ANGEL2: variants seen among roughly 807,000 people sequenced by gnomAD.
ANGEL2 encodes angel homolog 2.
A neutral mutation model predicts 66.0 loss-of-function variants in ANGEL2; 41 were observed. The ratio of observed to expected loss-of-function variants is 0.62; its 90% confidence interval spans 0.48 to 0.81. The LOEUF (loss-of-function observed/expected upper bound fraction) is 0.81. ANGEL2 is among the 30% of genes least tolerant of loss of function. The pLI is 0.00. For synonymous variants in ANGEL2, 208 were observed against 226.5 expected, an observed-to-expected ratio of 0.92 and a Z score of 0.73; for missense variants, 561 against 641.6, an observed-to-expected ratio of 0.87 and a Z score of 1.36.
In ANGEL2 at chr1:213,008,210, G is replaced by A. The variant is rs1318215998; in HGVS notation, c.642C>T (p.Asp214=). ...ILKEIKHFDA[D]VLCLQEVQED... ...AATTTCAATAATATTTTGCACTTAC[G>A]TCTGCATCAAAATGTTTAATTTCTT... Residue 214 remains aspartate, a splice_region_variant and synonymous_variant, in exon 3 of 9, where the codon GAC becomes GAT. Coordinates refer to ENST00000366962, the MANE Select transcript of ANGEL2 (RefSeq NM_144567.5). The A allele has an allele frequency of 2.5e-5, 40 of 1,611,728 alleles. No homozygotes were observed. The highest frequency in any genetic ancestry group is 3.3e-4 in the Middle Eastern group (2 of 6,036).
At chr1:213,004,635 C>T (rs538883701) in intron 5 of ANGEL2, among the ~76,000 whole-genome samples, 1 of 151,862 alleles carries the variant, frequency 6.6e-6, no homozygotes, top group African/African-American at 2.4e-5. Context: ...TTTGGGAGGC[C>T]GAAGCAGGTG....
intron 5 of ANGEL2, among the ~76,000 whole-genome samples, chr1:213,003,976 T>C (rs1360320810): frequency 6.6e-6 from 1 of 151,820 alleles, no homozygotes; most frequent in South Asian, 2.1e-4. Context: ...GAGGTGAACC[T>C]GCAGGTCACC....
At position 213,015,719 on chromosome 1, in the gene ANGEL2, A is replaced by G. The variant is rs1469627568; in HGVS notation, c.-48T>C. 6.2e-7 allele frequency: 1 copy of G among 1,613,154 alleles called. No homozygotes were observed. Among genetic ancestry groups the G allele is most frequent in the South Asian group, 1.1e-5 (1 of 91,050 alleles). On this transcript the variant is annotated 5_prime_UTR_variant, in exon 1 of 9. Coordinates refer to ENST00000366962, the MANE Select transcript of ANGEL2 (RefSeq NM_144567.5). ...GTTCCCAGGCCCCGGGTTCCACCTC[A>G]ATCTCTATAATCGATGCGACGGCCT...
At position 213,005,090 on chromosome 1, in the gene ANGEL2, T is replaced by C. The variant is rs1425949775; in HGVS notation, c.1077A>G (p.Pro359=). ...CGDFNSVPGS[P]LYSFIKEGKL... is the part of the protein sequence containing the mutation. ...TTCCTTCCTTTATGAAACTATATAG[T>C]GGAGAACCAGGAACAGAATTAAAGT... is the stretch of plus-strand genomic sequence containing the variant. Residue 359 remains proline (P), a synonymous_variant, in exon 5 of 9, where the codon CCA becomes CCG. Coordinates refer to ENST00000366962, the MANE Select transcript of ANGEL2 (RefSeq NM_144567.5). 1 of 1,610,810 alleles carries C rather than the reference T, an allele frequency of 6.2e-7. No homozygotes were observed.
At chr1:213,015,411 C>G in intron 1 of ANGEL2, 1 of 1,424,744 alleles carries the variant, frequency 7.0e-7, no homozygotes, top group South Asian at 1.5e-5. Flanking sequence ...GTTGGCCCAG[C>G]GTCCCGCCAG....
intron 5 of ANGEL2, among the ~76,000 whole-genome samples, chr1:213,004,304 G>C (rs2148153609): frequency 6.6e-6 from 1 of 152,198 alleles, no homozygotes; most frequent in East Asian, 1.9e-4. Context: ...GTAAGGAGAG[G>C]AAAGCACAAT....
In ANGEL2 at chr1:212,994,958, A is replaced by C; in HGVS notation, c.*83T>G. 7.8e-7 allele frequency: 1 copy of C among 1,281,764 alleles called. No individual in the cohort carries two copies. Among genetic ancestry groups the C allele is most frequent in the African/African-American group, 1.5e-5 (1 of 65,806 alleles). The allele number at this position is 1,281,764 out of a possible 1,614,324, so 79.4% of individuals were successfully genotyped here. A position where few individuals can be genotyped will look rare whatever the true frequency, so the allele number is the denominator to read the frequency against. On this transcript the variant is annotated 3_prime_UTR_variant, in exon 9 of 9. Transcript: ENST00000366962. ...CAGAATCTCCACAGTGCAAAAATAA[A>C]CAACATGCATACACTTAAGAACTTT...
At chr1:213,007,008 T>G in intron 4 of ANGEL2, 121 bp downstream of exon 4, 1 of 852,630 alleles carries the variant, frequency 1.2e-6, no homozygotes, top group South Asian at 1.7e-5. Flanking sequence ...ATGAGAGGAT[T>G]ACTTGAGCCC....
chr1:212,997,268 T>C lies in ANGEL2; in HGVS notation c.1370A>G (p.His457Arg), dbSNP rs767215268. Reference protein sequence around the residue: ...HHFSLSSVYSHYFPDTGIPEV... With the variant: ...HHFSLSSVYSRYFPDTGIPEV... ...TGGAATTCCAGTGTCAGGAAAGTAA[T>C]GTGAATAAACAGATGACAAACTGAA... The change falls in exon 8 of 9, where the codon CAT becomes CGT. Residue 457 changes from histidine (H) to arginine (R), a missense_variant. Physicochemically the swap from His to Arg is conservative, Grantham distance 29. Transcript: ENST00000366962. 1 of 1,613,588 alleles carries C rather than the reference T, an allele frequency of 6.2e-7. No individual in the cohort carries two copies. Among genetic ancestry groups the C allele is most frequent in the South Asian group, 1.1e-5 (1 of 91,044 alleles).
chr1:212,993,900 A>G lies in ANGEL2; in HGVS notation c.*1141T>C, dbSNP rs916551812. Reference sequence around the variant, plus strand: ...TTTTATAGCTGCCACTTTGTTCCAAAGACAAATTTCCTAATAAAATAAATT... The same window carrying G: ...TTTTATAGCTGCCACTTTGTTCCAAGGACAAATTTCCTAATAAAATAAATT... On this transcript the variant is annotated 3_prime_UTR_variant, in exon 9 of 9. Transcript: ENST00000366962. 5.3e-5 allele frequency: 8 copies of G among 152,236 alleles called. No individual in the cohort carries two copies. Among genetic ancestry groups the G allele is most frequent in the African/African-American group, 1.9e-4 (8 of 41,466 alleles). 9.4% of individuals were successfully genotyped at this position (152,236 alleles called of 1,614,324 possible).
intron 2 of ANGEL2, among the ~76,000 whole-genome samples, chr1:213,008,783 G>A (rs1156828377): frequency 6.6e-6 from 1 of 152,222 alleles, no homozygotes; most frequent in Non-Finnish European, 1.5e-5. Context: ...CTACAGTTAA[G>A]AAGTGGCTCT....
intron 8 of ANGEL2, among the ~76,000 whole-genome samples, chr1:212,996,640 A>AAAAAATAT (rs56102625): frequency 2.0e-4 from 13 of 66,470 alleles, no homozygotes; most frequent in African/African-American, 4.1e-4. Flanking sequence ...AAAAAAAAAA[A>AAAAAATAT]ATATATATAT....
intron 2 of ANGEL2, among the ~76,000 whole-genome samples, chr1:213,010,694 A>C (rs2076483085): frequency 6.6e-6 from 1 of 152,220 alleles, no homozygotes; most frequent in Non-Finnish European, 1.5e-5. Flanking sequence ...AAAGGGTTCC[A>C]GTCATGCAAA....
At chr1:212,999,558 G>A (rs1469536498) in intron 7 of ANGEL2, among the ~76,000 whole-genome samples, 1 of 152,100 alleles carries the variant, frequency 6.6e-6, no homozygotes, top group Non-Finnish European at 1.5e-5. Flanking sequence ...AGATTGAGAA[G>A]CAGATAAAAT....
chr1:213,010,895 A>AT (rs1553289021), intron 2 of ANGEL2, among the ~76,000 whole-genome samples: 1 of 151,258 alleles, frequency 6.6e-6, no homozygotes, highest in Non-Finnish European at 1.5e-5. Flanking sequence ...TTGCAATTCC[A>AT]TTTTTTAAAC....
chr1:213,009,692 G>A (rs1385272374), intron 2 of ANGEL2, among the ~76,000 whole-genome samples: 1 of 152,154 alleles, frequency 6.6e-6, no homozygotes, highest in Non-Finnish European at 1.5e-5. Flanking sequence ...CAAATCTTCT[G>A]CACAATACAT....
At chr1:213,015,041 T>G (rs1006108994) in intron 1 of ANGEL2, 7 of 894,146 alleles carry the variant, frequency 7.8e-6, no homozygotes, top group Non-Finnish European at 9.4e-6. Flanking sequence ...TAAAAAAAAC[T>G]GAGTCAATTT....
rs1312725049 is a variant in ANGEL2 at position 212,992,287 on chromosome 1, A to C, written c.*2754T>G. 1 of 152,238 alleles carries C rather than the reference A, an allele frequency of 6.6e-6. No individual in the cohort carries two copies. Among genetic ancestry groups the C allele is most frequent in the Non-Finnish European group, 1.5e-5 (1 of 68,042 alleles). The allele number at this position is 152,238 out of a possible 1,614,324, so 9.4% of individuals were successfully genotyped here. A position where few individuals can be genotyped will look rare whatever the true frequency, so the allele number is the denominator to read the frequency against. Reference sequence around the variant, plus strand: ...ACTCTCTGGATCTCAAACTTTCTTTAGGAAAGCAAAGGTTAAAAGCAGACA... The same window carrying C: ...ACTCTCTGGATCTCAAACTTTCTTTCGGAAAGCAAAGGTTAAAAGCAGACA... On this transcript the variant is annotated 3_prime_UTR_variant, in exon 9 of 9. Transcript: ENST00000366962.
chr1:212,999,722 G>T (rs1196416234), intron 7 of ANGEL2, among the ~76,000 whole-genome samples: 1 of 152,116 alleles, frequency 6.6e-6, no homozygotes, highest in Admixed American at 6.5e-5. Flanking sequence ...CTCAACCATA[G>T]CCCCAAATAT....
Sources: gnomAD v4.1 joint callset for allele counts (sites outside exome capture counted in the v4.1 genomes callset) on GRCh38, gnomAD v4.1.1 for gene constraint, MANE v1.5 for transcripts, NCBI Gene and HGNC (gene_info 2026-07-23, HGNC 2026-07-21) for gene names.